The following NEAT1 variants were observed in gnomAD, a reference collection of about 807,000 sequenced individuals.
NEAT1 encodes the protein MENepsilon/beta.
chr11:65,429,293 G>T (rs1423165387), exon 1 of NEAT1: 1 of 152,134 alleles, frequency 6.6e-6, no homozygotes, highest in Non-Finnish European at 1.5e-5. Context: ...AGCAGGGAGG[G>T]ATTTTTTCAA....
exon 1 of NEAT1, chr11:65,432,394 G>A (rs1856620760): frequency 6.6e-6 from 1 of 152,052 alleles, no homozygotes; most frequent in Non-Finnish European, 1.5e-5. Context: ...GGTGCAAAAA[G>A]CACCTATTAT....
exon 1 of NEAT1, chr11:65,435,049 C>T (rs1856646577): frequency 6.6e-6 from 1 of 152,176 alleles, no homozygotes; most frequent in African/African-American, 2.4e-5. Flanking sequence ...GATGCCCAAC[C>T]CAGTGCTCTG....
exon 1 of NEAT1, chr11:65,428,871 G>GA (rs1856587864): frequency 6.6e-6 from 1 of 152,002 alleles, no homozygotes; most frequent in South Asian, 2.1e-4. Flanking sequence ...TGCAAATAAG[G>GA]AAATTTTTTT....
At chr11:65,441,058 C>A (rs1006392498) in exon 1 of NEAT1, 2 of 151,890 alleles carry the variant, frequency 1.3e-5, no homozygotes, top group East Asian at 1.9e-4. Flanking sequence ...GGCCAAATTT[C>A]TTAAATTCAT....
chr11:65,440,837 C>T (rs1272112369), exon 1 of NEAT1: 3 of 126,520 alleles, frequency 2.4e-5, no homozygotes, highest in African/African-American at 3.1e-5. Flanking sequence ...AGCAAGATTC[C>T]GTCTCAAAAA....
rs66756887 is a variant in NEAT1, at chr11:65,444,263, CTGTGTGTGTGTGTGTGTGTG to C, written n.21506_21525del. ...CGGAGCCCACCTGGTAGTCCTCAGA[CTGTGTGTGTGTGTGTGTGTG>C]TGTGTGTGTGTGTGTGTGTGTGTGT... On this transcript the variant is annotated non_coding_transcript_exon_variant, in exon 1 of 1. Transcript: ENST00000501122. 9.9e-3 allele frequency: 2,528 copies of C among 254,804 alleles called. 13 individuals are homozygous for C. Among genetic ancestry groups the C allele is most frequent in the African/African-American group, 0.021 (633 of 30,630 alleles). The allele number at this position is 254,804 out of a possible 1,614,324, so 15.8% of individuals were successfully genotyped here.
chr11:65,440,010 A>C (rs1856699256), exon 1 of NEAT1: 1 of 151,836 alleles, frequency 6.6e-6, no homozygotes, highest in South Asian at 2.1e-4. Flanking sequence ...TAGTCCCAGC[A>C]CTGTGGGAGG....
exon 1 of NEAT1, chr11:65,428,598 TACTG>T (rs544619178): frequency 1.3e-4 from 20 of 152,184 alleles, no homozygotes; most frequent in Non-Finnish European, 2.2e-4. Flanking sequence ...AACAAAAACA[TACTG>T]ACACTGTTTG....
At chr11:65,445,448 AG>A (rs888301429) in exon 1 of NEAT1, 4 of 152,334 alleles carry the variant, frequency 2.6e-5, no homozygotes, top group African/African-American at 9.7e-5. Flanking sequence ...GAGCCGCCGC[AG>A]GTGTTTCTTT....
exon 1 of NEAT1, chr11:65,432,938 C>CAAA (rs1341607584): frequency 6.6e-6 from 1 of 150,468 alleles, no homozygotes; most frequent in Non-Finnish European, 1.5e-5. Context: ...TGAGAACACA[C>CAAA]AGTATTTGGT....
At chr11:65,437,282 T>G (rs1310935486) in exon 1 of NEAT1, 2 of 148,224 alleles carry the variant, frequency 1.3e-5, no homozygotes, top group Non-Finnish European at 3.0e-5. Context: ...CTGGATTTTG[T>G]GAGTAGTTTG....
chr11:65,423,684 C>G (rs369741599), exon 1 of NEAT1: 66 of 152,438 alleles, frequency 4.3e-4, no homozygotes, highest in Admixed American at 2.6e-3. Flanking sequence ...TTCTTGTGAG[C>G]TCACTCCACC....
chr11:65,444,631 A>G (rs990061562), exon 1 of NEAT1: 29 of 429,188 alleles, frequency 6.8e-5, no homozygotes, highest in African/African-American at 5.6e-4. Flanking sequence ...GCCTGAGCCA[A>G]CAGCAGTGGT....
At chr11:65,426,677 A>T (rs1401358756) in exon 1 of NEAT1, 1 of 152,196 alleles carries the variant, frequency 6.6e-6, no homozygotes, top group East Asian at 1.9e-4. Context: ...GTAACCACAG[A>T]TAGAACTGGT....
At chr11:65,434,370 T>C (rs1336636738) in exon 1 of NEAT1, 2 of 152,258 alleles carry the variant, frequency 1.3e-5, no homozygotes, top group Non-Finnish European at 2.9e-5. Flanking sequence ...CCTCGCCTTA[T>C]TCACTTCCAT....
exon 1 of NEAT1, chr11:65,431,820 C>T (rs757030155): frequency 6.6e-6 from 1 of 152,060 alleles, no homozygotes; most frequent in Non-Finnish European, 1.5e-5. Flanking sequence ...ATATTAATCC[C>T]CTATCAGATA....
At chr11:65,424,756 T>G (rs1217138972) in exon 1 of NEAT1, 2 of 152,186 alleles carry the variant, frequency 1.3e-5, no homozygotes, top group Non-Finnish European at 2.9e-5. Flanking sequence ...AAGGGAATGG[T>G]GGGTACACCG....
At chr11:65,436,804 C>T (rs891092421) in exon 1 of NEAT1, 1 of 152,054 alleles carries the variant, frequency 6.6e-6, no homozygotes, top group African/African-American at 2.4e-5. Context: ...AAGGCTATAC[C>T]GCATATCTGT....
At chr11:65,424,717 A>G (rs1252972048) in exon 1 of NEAT1, 1 of 152,224 alleles carries the variant, frequency 6.6e-6, no homozygotes, top group African/African-American at 2.4e-5. Flanking sequence ...TAGTTTGGGC[A>G]TTGTGATTGC....
Sources: gnomAD v4.1 joint callset for allele counts on GRCh38, gnomAD v4.1.1 for gene constraint, MANE v1.5 for transcripts, NCBI Gene and HGNC (gene_info 2026-07-23, HGNC 2026-07-21) for gene names.